Variants in ZNF354B observed in about 807,000 individuals in gnomAD.
The protein encoded by ZNF354B is zinc finger protein 354B.
ZNF354B carries 10 observed loss-of-function variants against 12.9 expected under a neutral mutation model. The ratio of observed to expected loss-of-function variants is 0.77; its 90% CI spans 0.48 to 1.31. The LOEUF (loss-of-function observed/expected upper bound fraction) is 1.31, where lower values mean the gene tolerates loss of function less well. Among genes scored for constraint, ZNF354B ranks in the 40% most tolerant of loss-of-function variants. ZNF354B has a pLI of 0.00. For synonymous variants in ZNF354B, 260 were observed against 243.7 expected (o/e 1.07, Z -0.62); for missense variants, 614 against 711.7 (o/e 0.86, Z 1.56).
chr5:178,874,399 T>G lies in ZNF354B; in HGVS notation c.256+7328T>G, dbSNP rs1163830771. ...GGCAATGAGTCGTAGATTTTGTCTC[T>G]TTACATAATCCCTTATTTCTCAGGT... On this transcript the variant is annotated intron_variant, in intron 4 of 4. Transcript: ENST00000322434. Among the ~76,000 whole-genome samples the G allele has an allele frequency of 2.0e-5, 3 of 152,248 alleles. No individual in the cohort carries two copies. The East Asian group carries it at 5.8e-4, about 29-fold the overall frequency.
intron 2 of ZNF354B, among the ~76,000 whole-genome samples, chr5:178,865,252 T>A (rs1757429174): frequency 6.6e-6 from 1 of 151,324 alleles, no homozygotes; most frequent in Non-Finnish European, 1.5e-5. Flanking sequence ...ACTGAACAGC[T>A]GTGTGACTTT....
At position 178,873,379 on chromosome 5, in the gene ZNF354B, A is replaced by G. The variant is rs373183789; in HGVS notation, c.256+6308A>G. The stretch of plus-strand genomic sequence containing the variant: ...TAAGAATTCTGCCTGTACTTAGATC[A>G]TGAAGATTTTCTGCCATGTTCTTCT... On this transcript the variant is annotated intron_variant, in intron 4 of 4. Coordinates refer to ENST00000322434, the MANE Select transcript of ZNF354B (RefSeq NM_058230.3). 4.6e-5 allele frequency among the ~76,000 whole-genome samples: 7 copies of G among 152,296 alleles called. No individual in the cohort carries two copies. In the East Asian group the frequency reaches 9.6e-4, roughly 21 times the overall value.
intron 4 of ZNF354B, among the ~76,000 whole-genome samples, chr5:178,874,261 T>C (rs1353621383): frequency 6.6e-6 from 1 of 152,204 alleles, no homozygotes; most frequent in Non-Finnish European, 1.5e-5. Flanking sequence ...CTGGCCCATT[T>C]CCTGCATTTG....
chr5:178,869,979 G>A lies in ZNF354B; in HGVS notation c.256+2908G>A, dbSNP rs12654969. ...GTGGTTGAAGGACTGGGATGTTCCTGGAATTATCTCAGATTATTAACTCTA... is the reference window on the plus strand; with the variant it reads ...GTGGTTGAAGGACTGGGATGTTCCTAGAATTATCTCAGATTATTAACTCTA... On this transcript the variant is annotated intron_variant, in intron 4 of 4. Coordinates refer to ENST00000322434, the MANE Select transcript of ZNF354B (RefSeq NM_058230.3). Among the ~76,000 whole-genome samples, 1,628 of 152,156 alleles carry A rather than the reference G, an allele frequency of 0.011. 62 individuals carry two copies. In the East Asian group the frequency reaches 0.13, roughly 12 times the overall value.
intron 4 of ZNF354B, among the ~76,000 whole-genome samples, chr5:178,878,214 T>A (rs1757665711): frequency 6.6e-6 from 1 of 151,408 alleles, no homozygotes; most frequent in African/African-American, 2.4e-5. Flanking sequence ...AAACCCCGTC[T>A]CTACTAAAAA....
rs565230410 is a variant in ZNF354B, at chr5:178,863,050, A to G, written c.33+1970A>G. ...CCTTGTGTTCTTGTCTCAGGGCTCT[A>G]TGCAGATACACAGTGGTTCAAATTA... On this transcript the variant is annotated intron_variant, in intron 2 of 4. Transcript: ENST00000322434. Among the ~76,000 whole-genome samples the G allele has an allele frequency of 1.2e-4, 19 of 152,310 alleles. No homozygotes were observed. In the South Asian group the frequency reaches 3.1e-3, roughly 25 times the overall value.
At chr5:178,876,068 G>A (rs1221835741) in intron 4 of ZNF354B, among the ~76,000 whole-genome samples, 4 of 152,284 alleles carry the variant, frequency 2.6e-5, no homozygotes, top group Non-Finnish European at 5.9e-5. Flanking sequence ...GTAGCGACCG[G>A]GCCCTGTGTT....
chr5:178,874,818 C>A (rs1404334351), intron 4 of ZNF354B, among the ~76,000 whole-genome samples: 1 of 152,138 alleles, frequency 6.6e-6, no homozygotes, highest in African/African-American at 2.4e-5. Flanking sequence ...TTTGATTTGC[C>A]AGAGTTCTCA....
In ZNF354B at chr5:178,883,943, C is replaced by T. The variant is rs150827386; in HGVS notation, c.1491C>T (p.Asn497=). The part of the protein sequence containing the change: ...MHTGERPYKC[N]ECDKTFRCNS... ...CTGGAGAAAGACCCTATAAGTGTAA[C>T]GAATGTGACAAAACATTCAGGTGTA... Residue 497 remains asparagine, a synonymous_variant, in exon 5 of 5, where the codon AAC becomes AAT. Transcript: ENST00000322434. 2.6e-5 allele frequency: 42 copies of T among 1,613,896 alleles called. No homozygotes were observed. The highest frequency in any genetic ancestry group is 9.3e-5 in the African/African-American group (7 of 74,888).
At chr5:178,881,792 C>T (rs561963942) in intron 4 of ZNF354B, among the ~76,000 whole-genome samples, 21 of 152,162 alleles carry the variant, frequency 1.4e-4, no homozygotes, top group South Asian at 1.0e-3. Flanking sequence ...TACAGGCGTG[C>T]GCCACAATGC....
rs74462474 is a variant in ZNF354B, at chr5:178,884,352, G to A, written c.*61G>A. ...TTGAGAGTGATTTATTAAATATAAT[G>A]AATATGAGAAAACTCTTAGTTCTCA... On this transcript the variant is annotated 3_prime_UTR_variant, in exon 5 of 5. Coordinates refer to ENST00000322434, the MANE Select transcript of ZNF354B (RefSeq NM_058230.3). 2.0e-6 allele frequency: 3 copies of A among 1,481,450 alleles called. No individual in the cohort carries two copies. The African/African-American group carries it at 4.2e-5, about 21-fold the overall frequency. The allele number at this position is 1,481,450 out of a possible 1,614,324, so 91.8% of individuals were successfully genotyped here. A position where few individuals can be genotyped will look rare whatever the true frequency, so the allele number is the denominator to read the frequency against.
chr5:178,876,231 G>A (rs989184411), intron 4 of ZNF354B, among the ~76,000 whole-genome samples: 1 of 152,230 alleles, frequency 6.6e-6, no homozygotes, highest in African/African-American at 2.4e-5. Context: ...TGGAGTCCCA[G>A]GTCGGGAGGC....
intron 4 of ZNF354B, among the ~76,000 whole-genome samples, chr5:178,881,549 A>AT (rs1359649657): frequency 6.6e-6 from 1 of 151,966 alleles, no homozygotes; most frequent in Non-Finnish European, 1.5e-5. Flanking sequence ...CCTTATATAG[A>AT]TTTTTCATAT....
At chr5:178,868,304 G>A (rs1280959201) in intron 4 of ZNF354B, among the ~76,000 whole-genome samples, 2 of 148,550 alleles carry the variant, frequency 1.3e-5, no homozygotes, top group Admixed American at 1.3e-4. Flanking sequence ...GCTTAAGCAG[G>A]AGGAATCTGA....
rs769248041 is a variant in ZNF354B at position 178,866,387 on chromosome 5, T to G, written c.160+17T>G. On this transcript the variant is annotated intron_variant, in intron 3 of 4. Coordinates refer to ENST00000322434, the MANE Select transcript of ZNF354B (RefSeq NM_058230.3). Reference sequence around the variant, plus strand: ...TCTCACTGGGTAAGGAAATTTCCCCTCTAGAAACAGAATTCAAAAATTGGG... The same window carrying G: ...TCTCACTGGGTAAGGAAATTTCCCCGCTAGAAACAGAATTCAAAAATTGGG... The G allele has an allele frequency of 6.2e-7, 1 of 1,601,824 alleles. No homozygotes were observed. Among genetic ancestry groups the G allele is most frequent in the South Asian group, 1.1e-5 (1 of 89,520 alleles).
intron 4 of ZNF354B, among the ~76,000 whole-genome samples, chr5:178,873,292 A>G (rs1161262952): frequency 6.6e-6 from 1 of 151,966 alleles, no homozygotes. Context: ...ACAATTTTTA[A>G]TTTTACTGAG....
intron 4 of ZNF354B, among the ~76,000 whole-genome samples, chr5:178,882,502 C>T (rs1195552163): frequency 1.3e-5 from 2 of 152,178 alleles, no homozygotes; most frequent in African/African-American, 4.8e-5. Flanking sequence ...CTTACACACT[C>T]ACCCGCCTTA....
chr5:178,873,631 T>G (rs1056517591), intron 4 of ZNF354B, among the ~76,000 whole-genome samples: 5 of 152,180 alleles, frequency 3.3e-5, no homozygotes, highest in African/African-American at 1.2e-4. Flanking sequence ...GTTCTGTGTT[T>G]CTGTTCCTCT....
chr5:178,862,921 AT>A (rs1251776979), intron 2 of ZNF354B, among the ~76,000 whole-genome samples: 8 of 152,158 alleles, frequency 5.3e-5, no homozygotes, highest in Non-Finnish European at 1.5e-5. Context: ...AGTGAAGGGA[AT>A]TTTAAGACCA....
Sources: gnomAD v4.1 joint callset for allele counts (sites outside exome capture counted in the v4.1 genomes callset) on GRCh38, gnomAD v4.1.1 for gene constraint, MANE v1.5 for transcripts, NCBI Gene and HGNC (gene_info 2026-07-23, HGNC 2026-07-21) for gene names.